Variants in DIXDC1 observed in about 807,000 individuals in gnomAD.
DIXDC1 encodes the protein DIX domain containing 1.
DIXDC1 carries 64 observed loss-of-function variants against 103.1 expected under a neutral mutation model. The observed-to-expected ratio is 0.62, with a 90% confidence interval of 0.51 to 0.76. The LOEUF (loss-of-function observed/expected upper bound fraction) is 0.76, where lower values mean the gene tolerates loss of function less well. DIXDC1 is among the 30% of genes least tolerant of loss of function. DIXDC1 has a pLI of 0.00. For missense variants in DIXDC1, 759 were observed against 834.2 expected (o/e 0.91, Z 1.11); for synonymous variants, 266 against 298.5 (o/e 0.89, Z 1.12).
upstream of DIXDC1, among the ~76,000 whole-genome samples, chr11:111,937,007 A>ATG (rs1321066228): frequency 6.8e-6 from 1 of 146,830 alleles, no homozygotes; most frequent in Non-Finnish European, 1.5e-5. Context: ...GTATGTGTGT[A>ATG]TGTGTGTATG....
In DIXDC1 at chr11:111,995,682, T is replaced by A. The variant is rs1264515017; in HGVS notation, c.1689+118T>A. 4 of 1,330,398 alleles carry A rather than the reference T, an allele frequency of 3.0e-6. No homozygotes were observed. In the East Asian group the frequency reaches 9.6e-5, roughly 32 times the overall value. 82.4% of individuals were successfully genotyped at this position (1,330,398 alleles called of 1,614,324 possible). A position where few individuals can be genotyped will look rare whatever the true frequency, so the allele number is the denominator to read the frequency against. ...TACAAGACCCTGTTAAAGGTTAGAG[T>A]TGTTTTTCTCTATTGTTTTTTCTCT... On this transcript the variant is annotated intron_variant, in intron 16 of 19. Coordinates refer to ENST00000440460, the MANE Select transcript of DIXDC1 (RefSeq NM_001037954.4).
chr11:111,938,884 A>G (rs1362683668), intron 1 of DIXDC1, among the ~76,000 whole-genome samples: 4 of 152,236 alleles, frequency 2.6e-5, no homozygotes, highest in Admixed American at 2.0e-4. Flanking sequence ...TCTGCACTGC[A>G]GGGCACCTCA....
intron 8 of DIXDC1, among the ~76,000 whole-genome samples, chr11:111,986,638 A>G (rs1860500173): frequency 6.6e-6 from 1 of 152,030 alleles, no homozygotes; most frequent in African/African-American, 2.4e-5. Context: ...TGCTGGGATT[A>G]CAGATGTGAG....
At chr11:111,937,137 G>GT, upstream of DIXDC1, 1 of 736,434 alleles carries the variant, frequency 1.4e-6, no homozygotes, top group Non-Finnish European at 1.7e-6. Context: ...CGGGCGGGGG[G>GT]GGGGTGTGCG....
In DIXDC1 at chr11:111,937,475, G is replaced by A. The variant is rs1480079023; in HGVS notation, c.-25G>A. The A allele has an allele frequency of 1.7e-5, 27 of 1,567,378 alleles. No individual in the cohort carries two copies. The highest frequency in any genetic ancestry group is 8.2e-5 in the South Asian group (7 of 85,036). On this transcript the variant is annotated 5_prime_UTR_variant, in exon 1 of 20. Transcript: ENST00000440460. ...CGGCGGCCGCCGGGCTGGAGACCCC[G>A]CCCGGGGAGCCCCCAGCAGGAACAA...
intron 15 of DIXDC1, 91 bp downstream of exon 15, chr11:111,995,199 A>G (rs1860854357): frequency 2.9e-6 from 4 of 1,397,916 alleles, no homozygotes; most frequent in Non-Finnish European, 4.0e-6. Context: ...GGCCTTTTAT[A>G]TTCCAGTTCC....
At chr11:111,992,212 A>G (rs1310924779) in intron 10 of DIXDC1, among the ~76,000 whole-genome samples, 1 of 152,212 alleles carries the variant, frequency 6.6e-6, no homozygotes, top group Non-Finnish European at 1.5e-5. Flanking sequence ...AACAGTGGAT[A>G]GGATTTTGCT....
intron 13 of DIXDC1, 28 bp downstream of exon 13, chr11:111,993,616 C>T (rs1411029395): frequency 6.2e-7 from 1 of 1,613,942 alleles, no homozygotes; most frequent in African/African-American, 1.3e-5. Context: ...CACTGACTTC[C>T]CTGCCTCTTT....
In DIXDC1 at chr11:111,995,010, C is replaced by A; in HGVS notation, c.1438-9C>A. The A allele has an allele frequency of 5.0e-6, 8 of 1,610,350 alleles. No individual in the cohort carries two copies. The highest frequency in any genetic ancestry group is 5.9e-6 in the Non-Finnish European group (7 of 1,178,952). ...CTTTAACAAGCAACATTTCTTCATG[C>A]TGCTGTAGGCGACCAACTACAACAG... On this transcript the variant is annotated splice_polypyrimidine_tract_variant and intron_variant, in intron 14 of 19. Transcript: ENST00000440460.
chr11:111,956,761 G>C (rs1185055805), intron 1 of DIXDC1, among the ~76,000 whole-genome samples: 1 of 152,060 alleles, frequency 6.6e-6, no homozygotes, highest in Non-Finnish European at 1.5e-5. Context: ...AAGTGCTGGG[G>C]TTACAGGCTT....
chr11:111,982,184 C>T (rs1445957589), intron 6 of DIXDC1, 155 bp from the exon 7 acceptor site: 1 of 702,592 alleles, frequency 1.4e-6, no homozygotes, highest in Admixed American at 3.0e-5. Context: ...ATTCTTTAGG[C>T]CTCACAACCC....
intron 1 of DIXDC1, among the ~76,000 whole-genome samples, chr11:111,957,539 C>T (rs1859430915): frequency 6.6e-6 from 1 of 152,204 alleles, no homozygotes; most frequent in Admixed American, 6.5e-5. Context: ...GTATGGTTCG[C>T]TGAGAAGAGC....
chr11:111,980,498 C>T (rs1860260966), intron 5 of DIXDC1, among the ~76,000 whole-genome samples: 1 of 152,114 alleles, frequency 6.6e-6, no homozygotes, highest in Non-Finnish European at 1.5e-5. Context: ...TTAAAGGCAT[C>T]CTTGTTGTGG....
upstream of DIXDC1, among the ~76,000 whole-genome samples, chr11:111,934,556 C>T (rs587610112): frequency 1.1e-4 from 16 of 152,298 alleles, no homozygotes; most frequent in African/African-American, 3.9e-4. Flanking sequence ...GATCATTGTC[C>T]CAGTTATTCC....
intron 17 of DIXDC1, among the ~76,000 whole-genome samples, chr11:112,004,757 T>C (rs933437615): frequency 2.0e-5 from 3 of 152,072 alleles, no homozygotes; most frequent in Admixed American, 6.6e-5. Flanking sequence ...CAAGCAGCTG[T>C]CCCTAAACCT....
intron 10 of DIXDC1, among the ~76,000 whole-genome samples, chr11:111,990,924 C>T (rs587682004): frequency 1.6e-4 from 25 of 152,242 alleles, no homozygotes; most frequent in Admixed American, 2.6e-4. Context: ...CCAGGCTGGT[C>T]TCGAACTCCT....
At chr11:111,975,551 C>T (rs1860069590) in intron 5 of DIXDC1, 1 of 986,394 alleles carries the variant, frequency 1.0e-6, no homozygotes, top group African/African-American at 1.7e-5. Flanking sequence ...GAGACCAAAA[C>T]AGGATACAGT....
chr11:111,946,173 A>G (rs1966589175), intron 1 of DIXDC1, among the ~76,000 whole-genome samples: 1 of 146,166 alleles, frequency 6.8e-6, no homozygotes, highest in Admixed American at 6.9e-5. Context: ...CAGTGGTGCG[A>G]TCTCGGCTCA....
chr11:111,974,056 G>A lies in DIXDC1; in HGVS notation c.350G>A (p.Arg117Lys), dbSNP rs782592585. The A allele has an allele frequency of 2.5e-6, 4 of 1,613,968 alleles. No homozygotes were observed. The highest frequency in any genetic ancestry group is 1.3e-5 in the African/African-American group (1 of 75,044). ...IVDGNLKSIM[R>K]LVLALAAHFK... Reference sequence around the variant, plus strand: ...GATGGAAACCTGAAGTCTATCATGAGGCTGGTCCTTGCCTTGGCAGCTCAT... The same window carrying A: ...GATGGAAACCTGAAGTCTATCATGAAGCTGGTCCTTGCCTTGGCAGCTCAT... Residue 117 changes from arginine to lysine, a missense_variant, in exon 4 of 20, where the codon AGG (arginine) becomes AAG (lysine). Arg to Lys is a conservative substitution (Grantham distance 26). Transcript: ENST00000440460.
Sources: allele counts gnomAD v4.1 joint callset (sites outside exome capture counted in the v4.1 genomes callset), GRCh38; gene constraint gnomAD v4.1.1; transcripts MANE v1.5; gene names NCBI Gene and HGNC (gene_info 2026-07-23, HGNC 2026-07-21).